The following TTC39B variants were observed in gnomAD, a reference collection of about 807,000 sequenced individuals.
The protein encoded by TTC39B is tetratricopeptide repeat domain 39B, also known as tetratricopeptide repeat protein 39B.
A neutral mutation model predicts 96.6 loss-of-function variants in TTC39B; 92 were observed. That is an observed-to-expected ratio of 0.95 (90% CI 0.80 to 1.13). The LOEUF (loss-of-function observed/expected upper bound fraction) is 1.13, where lower values mean the gene tolerates loss of function less well. TTC39B is among the 50% of genes most tolerant of loss of function. TTC39B has a pLI of 0.00. For synonymous variants in TTC39B, 367 were observed against 299.4 expected, an observed-to-expected ratio of 1.23 and a Z score of -2.33; for missense variants, 955 against 809.3, an observed-to-expected ratio of 1.18 and a Z score of -2.18.
chr9:15,237,012 A>G (rs1821813369), intron 2 of TTC39B, among the ~76,000 whole-genome samples: 1 of 152,134 alleles, frequency 6.6e-6, no homozygotes, highest in African/African-American at 2.4e-5. Context: ...CAAAAAAAAA[A>G]AGGCAAGGAC....
intron 2 of TTC39B, among the ~76,000 whole-genome samples, chr9:15,232,736 G>A (rs1380899857): frequency 1.3e-5 from 2 of 152,202 alleles, no homozygotes; most frequent in Non-Finnish European, 2.9e-5. Flanking sequence ...CGACGCCTCT[G>A]GTGTACTAAA....
chr9:15,201,941 G>A (rs981011656), intron 7 of TTC39B, among the ~76,000 whole-genome samples: 1 of 152,186 alleles, frequency 6.6e-6, no homozygotes, highest in Non-Finnish European at 1.5e-5. Context: ...CTCAACTGCA[G>A]AATAGGGAAT....
intron 19 of TTC39B, among the ~76,000 whole-genome samples, 169 bp from the exon 20 acceptor site, chr9:15,172,278 G>A (rs1817704660): frequency 6.6e-6 from 1 of 151,884 alleles, no homozygotes; most frequent in South Asian, 2.1e-4. Context: ...GTTTTGGGGG[G>A]AACTGCAATA....
rs1307513174 is a variant in TTC39B at position 15,249,161 on chromosome 9, A to G, written c.275+18753T>C. 3.3e-5 allele frequency: 5 copies of G among 152,228 alleles called. No homozygotes were observed. In the East Asian group the frequency reaches 9.6e-4, roughly 29 times the overall value. The allele number at this position is 152,228 out of a possible 1,614,324, so 9.4% of individuals were successfully genotyped here. On this transcript the variant is annotated intron_variant, in intron 2 of 19. Coordinates refer to ENST00000512701, the Ensembl canonical transcript of TTC39B. ...TCAAAACTCACTCACTAATTCAGCA[A>G]GGATACAATTCTAACGTCCAGGAAA...
chr9:15,178,019 AC>A (rs1247871576), intron 17 of TTC39B, among the ~76,000 whole-genome samples: 1 of 151,640 alleles, frequency 6.6e-6, no homozygotes, highest in Non-Finnish European at 1.5e-5. Flanking sequence ...ACAGGTGCCC[AC>A]CACCACGCCC....
Position 15,191,219 on chromosome 9 carries a change from G to T in TTC39B, c.967C>A (p.Leu323Ile), listed in dbSNP as rs557839457. Reference sequence around the variant, plus strand: ...TTCCCAGAAAATCCAATAAATTCTAGTAGTCTGATAATCCTTGCTGGTAAA... The same window carrying T: ...TTCCCAGAAAATCCAATAAATTCTATTAGTCTGATAATCCTTGCTGGTAAA... The change falls in exon 10 of 20, where the codon CTA becomes ATA. Residue 323 changes from leucine to isoleucine, a missense_variant. By Grantham distance (5) the Leu-to-Ile change is conservative. Coordinates refer to ENST00000512701, the Ensembl canonical transcript of TTC39B. 73 of 1,610,018 alleles carry T rather than the reference G, an allele frequency of 4.5e-5. 1 individual carries two copies. In the South Asian group the frequency reaches 5.1e-4, roughly 11 times the overall value.
chr9:15,166,538 G>A (rs1482856511), exon 20 of TTC39B: 2 of 152,178 alleles, frequency 1.3e-5, no homozygotes, highest in Non-Finnish European at 2.9e-5. Context: ...AGTCTGTCAA[G>A]ATCAGATAGC....
chr9:15,185,547 T>A (rs1427487382), intron 15 of TTC39B, 141 bp from the exon 16 acceptor site: 17 of 1,348,512 alleles, frequency 1.3e-5, no homozygotes, highest in Non-Finnish European at 1.6e-5. Flanking sequence ...AATGCCAATT[T>A]TCAGGCCCTA....
chr9:15,174,959 G>T, intron 19 of TTC39B, 60 bp downstream of exon 19: 1 of 1,008,818 alleles, frequency 9.9e-7, no homozygotes, highest in Non-Finnish European at 1.6e-6. Flanking sequence ...GCTGTTGTTA[G>T]AGCAGTACTG....
intron 3 of TTC39B, among the ~76,000 whole-genome samples, chr9:15,218,650 T>C (rs1460203518): frequency 8.3e-6 from 1 of 120,086 alleles, no homozygotes; most frequent in Non-Finnish European, 1.9e-5. Context: ...ATATATATAA[T>C]GAACACATAA....
Position 15,210,091 on chromosome 9 carries a change from C to A in TTC39B, c.688G>T (p.Glu230Ter), listed in dbSNP as rs751066983. The change falls in exon 6 of 20, where the codon GAA (glutamate) becomes TAA (stop). Residue 230 changes from glutamate (E) to a stop codon, truncating the protein, a stop_gained. Transcript: ENST00000512701. LOFTEE classifies it high-confidence loss of function. The stretch of plus-strand genomic sequence containing the variant: ...TGATCTTTTAAATGACTTTTACCTT[C>A]ACTCAGTTGCTCCAGGGATCCTCTA... The A allele has an allele frequency of 2.5e-6, 4 of 1,597,336 alleles. No homozygotes were observed. Among genetic ancestry groups the A allele is most frequent in the Non-Finnish European group, 3.4e-6 (4 of 1,173,680 alleles).
At chr9:15,232,149 CTCA>C (rs1821458597) in intron 2 of TTC39B, 1 of 152,402 alleles carries the variant, frequency 6.6e-6, no homozygotes, top group Non-Finnish European at 1.5e-5. Flanking sequence ...CAACAGAGGT[CTCA>C]TCACAGTAAA....
intron 3 of TTC39B, 85 bp from the exon 4 acceptor site, chr9:15,214,334 G>GTGTGTGTGTGTGTC (rs1442157988): frequency 9.8e-6 from 8 of 817,558 alleles, no homozygotes; most frequent in Non-Finnish European, 1.6e-5. Flanking sequence ...GTGTGTGTGT[G>GTGTGTGTGTGTGTC]TGTGTGTGTG....
At chr9:15,289,087 A>G (rs1240516904) in intron 1 of TTC39B, among the ~76,000 whole-genome samples, 1 of 152,238 alleles carries the variant, frequency 6.6e-6, no homozygotes, top group African/African-American at 2.4e-5. Context: ...TGCATACATT[A>G]TATCATTTAG....
At chr9:15,216,673 C>A (rs1315964378) in intron 3 of TTC39B, among the ~76,000 whole-genome samples, 2 of 152,152 alleles carry the variant, frequency 1.3e-5, no homozygotes, top group Admixed American at 6.5e-5. Context: ...GGTCTATAGA[C>A]CCATTTCTTT....
exon 9 of TTC39B, chr9:15,192,615 T>A (rs1032916873): frequency 6.2e-7 from 1 of 1,614,082 alleles, no homozygotes; most frequent in East Asian, 2.2e-5. Flanking sequence ...ACTGCCAAGC[T>A]TGACACCCCC....
chr9:15,285,559 T>C (rs1003676163), intron 1 of TTC39B, among the ~76,000 whole-genome samples: 13 of 152,118 alleles, frequency 8.5e-5, no homozygotes, highest in African/African-American at 3.1e-4. Context: ...TTTTAATTTT[T>C]AAAAGAATAT....
chr9:15,279,864 T>C (rs1563784548), intron 1 of TTC39B, among the ~76,000 whole-genome samples: 1 of 152,042 alleles, frequency 6.6e-6, no homozygotes, highest in Non-Finnish European at 1.5e-5. Context: ...CTTTTCTTTT[T>C]TTGTAAATAA....
At chr9:15,195,197 T>C (rs1819085127) in intron 8 of TTC39B, among the ~76,000 whole-genome samples, 1 of 152,186 alleles carries the variant, frequency 6.6e-6, no homozygotes, top group Non-Finnish European at 1.5e-5. Context: ...TGGAGAAAGC[T>C]GTAGTGGTCT....
Sources: gnomAD v4.1 joint callset for allele counts (sites outside exome capture counted in the v4.1 genomes callset) on GRCh38, gnomAD v4.1.1 for gene constraint, MANE v1.5 for transcripts, NCBI Gene and HGNC (gene_info 2026-07-23, HGNC 2026-07-21) for gene names.